ALK: variants seen among roughly 807,000 people sequenced by gnomAD.
ALK encodes ALK receptor tyrosine kinase.
ALK carries 74 observed loss-of-function variants against 163.1 expected under a neutral mutation model. The ratio of observed to expected loss-of-function variants is 0.45; its 90% confidence interval spans 0.38 to 0.55. ALK has a LOEUF of 0.55. Among genes scored for constraint, ALK ranks in the 20% least tolerant of loss-of-function variants. The probability of loss-of-function intolerance (pLI) is 0.00; values close to 1 mark genes in which losing one functional copy is unlikely to be tolerated. For synonymous variants in ALK, 960 were observed against 843.2 expected (o/e 1.14, Z -2.40); for missense variants, 2,063 against 2,105.3 (o/e 0.98, Z 0.39).
At chr2:29,816,066 C>T (rs1664889709) in intron 1 of ALK, among the ~76,000 whole-genome samples, 1 of 152,208 alleles carries the variant, frequency 6.6e-6, no homozygotes, top group Non-Finnish European at 1.5e-5. Flanking sequence ...AGAAAACTGC[C>T]TAATTTCTTC....
chr2:29,842,353 G>A (rs1019338668), intron 1 of ALK, among the ~76,000 whole-genome samples: 10 of 152,146 alleles, frequency 6.6e-5, no homozygotes, highest in Non-Finnish European at 1.5e-4. Flanking sequence ...AAGCCCCACC[G>A]TCACACTTCA....
At chr2:29,348,027 T>G (rs1223064748) in intron 5 of ALK, among the ~76,000 whole-genome samples, 2 of 152,164 alleles carry the variant, frequency 1.3e-5, no homozygotes, top group Non-Finnish European at 2.9e-5. Flanking sequence ...CTGTAGGGGT[T>G]TGCTGTGTCT....
intron 8 of ALK, among the ~76,000 whole-genome samples, chr2:29,309,925 A>G (rs1428041642): frequency 2.6e-5 from 4 of 152,178 alleles, no homozygotes; most frequent in Non-Finnish European, 4.4e-5. Flanking sequence ...CAACTTCCTC[A>G]TGCCTGAGTA....
rs536636948 is a variant in ALK at position 29,677,827 on chromosome 2, C to T, written c.952+17023G>A. Among the ~76,000 whole-genome samples, 65 of 152,084 alleles carry T rather than the reference C, an allele frequency of 4.3e-4. 1 individual carries two copies. The highest frequency in any genetic ancestry group is 1.3e-3 in the African/African-American group (53 of 41,518). On this transcript the variant is annotated intron_variant, in intron 3 of 28. Coordinates refer to ENST00000389048, the MANE Select transcript of ALK (RefSeq NM_004304.5). ...AGAATGAGTTGGGAAGTATTCATTC[C>T]TTTATTTCTAAAAGAATATGTCAAT... is the stretch of plus-strand genomic sequence containing the variant.
At chr2:29,278,956 C>A (rs963560270) in intron 9 of ALK, among the ~76,000 whole-genome samples, 1 of 142,846 alleles carries the variant, frequency 7.0e-6, no homozygotes, top group African/African-American at 2.6e-5. Flanking sequence ...GGGGCTTGAG[C>A]GAGTAAATGA....
At chr2:29,914,172 G>T (rs1296887974) in intron 1 of ALK, among the ~76,000 whole-genome samples, 1 of 152,182 alleles carries the variant, frequency 6.6e-6, no homozygotes. Flanking sequence ...AATTCATGGG[G>T]AGGAAGTAAA....
intron 1 of ALK, among the ~76,000 whole-genome samples, chr2:29,727,635 A>G (rs1679610205): frequency 6.6e-6 from 1 of 152,216 alleles, no homozygotes; most frequent in South Asian, 2.1e-4. Flanking sequence ...GTACACTAGA[A>G]ATCCTTGTGC....
chr2:29,791,767 T>G (rs1664196454), intron 1 of ALK, among the ~76,000 whole-genome samples: 1 of 152,206 alleles, frequency 6.6e-6, no homozygotes, highest in African/African-American at 2.4e-5. Flanking sequence ...ATTTATTGAC[T>G]TACTTTCAAC....
At chr2:29,501,564 G>C (rs112752880) in intron 4 of ALK, among the ~76,000 whole-genome samples, 17 of 152,212 alleles carry the variant, frequency 1.1e-4, no homozygotes, top group African/African-American at 4.1e-4. Context: ...TCCTCCTTCC[G>C]GGGGAAAGTA....
At chr2:29,599,968 G>C (rs1253232570) in intron 3 of ALK, among the ~76,000 whole-genome samples, 26 of 152,030 alleles carry the variant, frequency 1.7e-4, no homozygotes, top group Non-Finnish European at 1.2e-4. Context: ...CCTAAGATTG[G>C]GGGTGATGTG....
chr2:29,523,402 T>C (rs1672867463), intron 4 of ALK, among the ~76,000 whole-genome samples: 1 of 152,226 alleles, frequency 6.6e-6, no homozygotes, highest in Non-Finnish European at 1.5e-5. Context: ...AACCTTGTTC[T>C]GAGCCCCTGG....
intron 3 of ALK, among the ~76,000 whole-genome samples, chr2:29,572,428 A>G (rs1674401573): frequency 6.6e-6 from 1 of 152,200 alleles, no homozygotes; most frequent in African/African-American, 2.4e-5. Context: ...CACTTCTTGC[A>G]GTCTGGTCAT....
intron 8 of ALK, among the ~76,000 whole-genome samples, chr2:29,298,990 G>A (rs748584151): frequency 5.9e-5 from 9 of 152,096 alleles, no homozygotes; most frequent in Non-Finnish European, 1.2e-4. Context: ...TTCATCCTCT[G>A]GGCTCCTCTG....
At chr2:29,208,101 T>C in intron 25 of ALK, 2 of 452,290 alleles carry the variant, frequency 4.4e-6, no homozygotes, top group South Asian at 3.1e-5. Flanking sequence ...GGATATTGTT[T>C]AGTGGAAGAA....
rs990658464 is a variant in ALK, at chr2:29,193,677, G to C, written c.4410C>G (p.Ala1470=). 6.2e-7 allele frequency: 1 copy of C among 1,614,040 alleles called. No individual in the cohort carries two copies. Among genetic ancestry groups the C allele is most frequent in the Non-Finnish European group, 8.5e-7 (1 of 1,179,880 alleles). The change falls in exon 29 of 29, where the codon GCC becomes GCG. Residue 1470 remains alanine, a synonymous_variant. Coordinates refer to ENST00000389048, the MANE Select transcript of ALK (RefSeq NM_004304.5). ...EISVRVPRGP[A]VEGGHVNMAF... ...CCATATTCACGTGTCCCCCTTCCAC[G>C]GCCGGCCCTCTAGGGACTCGAACAG...
At position 29,609,196 on chromosome 2, in the gene ALK, T is replaced by A. The variant is rs564477933; in HGVS notation, c.953-77080A>T. Among the ~76,000 whole-genome samples the A allele has an allele frequency of 2.0e-5, 3 of 152,324 alleles. No individual in the cohort carries two copies. In the East Asian group the frequency reaches 5.8e-4, roughly 29 times the overall value. ...GCCTCGGCCTCCCAGAGTGCTGGGA[T>A]TACAGGTGTGAGCCACCATGCCCAG... On this transcript the variant is annotated intron_variant, in intron 3 of 28. Transcript: ENST00000389048.
At chr2:29,709,738 T>C (rs1679018065) in intron 2 of ALK, among the ~76,000 whole-genome samples, 1 of 152,164 alleles carries the variant, frequency 6.6e-6, no homozygotes, top group South Asian at 2.1e-4. Context: ...TGGTTGTGAA[T>C]ACTTGCTATA....
intron 16 of ALK, among the ~76,000 whole-genome samples, 157 bp downstream of exon 16, chr2:29,228,727 T>A: frequency 6.7e-6 from 1 of 150,346 alleles, no homozygotes; most frequent in South Asian, 2.2e-4. Flanking sequence ...GCACCCTGCC[T>A]CTGGCTGGTC....
intron 3 of ALK, among the ~76,000 whole-genome samples, chr2:29,693,410 C>CAG (rs1277292875): frequency 8.3e-6 from 1 of 119,904 alleles, no homozygotes; most frequent in Non-Finnish European, 1.6e-5. Flanking sequence ...CTCACCTACA[C>CAG]ACACACACAC....
Sources: allele counts gnomAD v4.1 joint callset (sites outside exome capture counted in the v4.1 genomes callset), GRCh38; gene constraint gnomAD v4.1.1; transcripts MANE v1.5; gene names NCBI Gene and HGNC (gene_info 2026-07-23, HGNC 2026-07-21).